Variants in RSPO3 observed in about 807,000 individuals in gnomAD.
RSPO3 encodes the protein R-spondin-3.
RSPO3 carries 17 observed loss-of-function variants against 36.5 expected under a neutral mutation model. The ratio of observed to expected loss-of-function variants is 0.47; its 90% CI spans 0.32 to 0.70. RSPO3 has a LOEUF of 0.70. RSPO3 is among the 30% of genes least tolerant of loss of function. RSPO3 has a pLI of 0.04. For synonymous variants in RSPO3, 108 were observed against 107.0 expected (o/e 1.01, Z -0.06); for missense variants, 294 against 322.5 (o/e 0.91, Z 0.68).
chr6:127,175,883 TGAATAA>T (rs1227743392), intron 4 of RSPO3, among the ~76,000 whole-genome samples: 1 of 151,782 alleles, frequency 6.6e-6, no homozygotes, highest in Admixed American at 6.6e-5. Context: ...CACATTATAT[TGAATAA>T]GGGTATTGTT....
At chr6:127,179,781 A>ATG (rs1444499402) in intron 4 of RSPO3, among the ~76,000 whole-genome samples, 1 of 151,744 alleles carries the variant, frequency 6.6e-6, no homozygotes, top group East Asian at 1.9e-4. Flanking sequence ...TCTTTTCCAG[A>ATG]TTTTACAGGC....
chr6:127,120,409 C>T (rs1472566106), intron 1 of RSPO3, among the ~76,000 whole-genome samples: 1 of 152,084 alleles, frequency 6.6e-6, no homozygotes, highest in African/African-American at 2.4e-5. Flanking sequence ...TCCTGGAGCT[C>T]GCGAGGGGCA....
intron 4 of RSPO3, among the ~76,000 whole-genome samples, chr6:127,160,579 C>T (rs575270344): frequency 1.3e-5 from 2 of 152,326 alleles, no homozygotes; most frequent in African/African-American, 4.8e-5. Flanking sequence ...TTTATACCCA[C>T]TTTTAATTAG....
At chr6:127,148,927 A>C in intron 2 of RSPO3, 88 bp downstream of exon 2, 1 of 971,758 alleles carries the variant, frequency 1.0e-6, no homozygotes, top group Non-Finnish European at 1.5e-6. Flanking sequence ...GTGATATTCA[A>C]TGTTAAGTAA....
At chr6:127,173,075 T>C (rs754307060) in intron 4 of RSPO3, among the ~76,000 whole-genome samples, 7 of 151,860 alleles carry the variant, frequency 4.6e-5, no homozygotes, top group Admixed American at 2.6e-4. Flanking sequence ...ACTATACTTA[T>C]CACACATGAG....
At position 127,198,039 on chromosome 6, in the gene RSPO3, G is replaced by C. The variant is rs957949239; in HGVS notation, c.*2032G>C. Among the ~76,000 whole-genome samples, 1 of 152,144 alleles carries C rather than the reference G, an allele frequency of 6.6e-6. No individual in the cohort carries two copies. The highest frequency in any genetic ancestry group is 1.9e-4 in the East Asian group (1 of 5,182). On this transcript the variant is annotated 3_prime_UTR_variant, in exon 5 of 5. Transcript: ENST00000356698. The stretch of plus-strand genomic sequence containing the variant: ...CCAAATTATTTTTGCACATCTTTCT[G>C]TTTCTCATGTCTTCATTTATTCAAC...
chr6:127,186,584 C>T (rs1234558875), intron 4 of RSPO3, among the ~76,000 whole-genome samples: 1 of 151,788 alleles, frequency 6.6e-6, no homozygotes, highest in Non-Finnish European at 1.5e-5. Context: ...AGATCTACAG[C>T]AAGAAAATAA....
At chr6:127,180,139 T>G (rs560723959) in intron 4 of RSPO3, among the ~76,000 whole-genome samples, 2 of 151,998 alleles carry the variant, frequency 1.3e-5, no homozygotes, top group South Asian at 4.1e-4. Context: ...AAATTATTAT[T>G]GGCTCTTAAA....
chr6:127,183,064 A>G (rs991204815), intron 4 of RSPO3, among the ~76,000 whole-genome samples: 9 of 151,946 alleles, frequency 5.9e-5, no homozygotes, highest in African/African-American at 2.2e-4. Flanking sequence ...TTCTCCAAAC[A>G]ATCGCAAAAA....
intron 4 of RSPO3, among the ~76,000 whole-genome samples, chr6:127,194,642 C>T (rs1775476795): frequency 6.6e-6 from 1 of 152,208 alleles, no homozygotes; most frequent in African/African-American, 2.4e-5. Flanking sequence ...TTCTAAAACT[C>T]CCAGCATTTC....
rs188691801 is a variant in RSPO3 at position 127,132,164 on chromosome 6, G to C, written c.97+12875G>C. On this transcript the variant is annotated intron_variant, in intron 1 of 4. Transcript: ENST00000356698. ...CCAGTAATTTTGCAGGATTCATTCT[G>C]ACAAACTGTTCTGGTGTAAATGTTT... Among the ~76,000 whole-genome samples the C allele has an allele frequency of 3.2e-3, 490 of 151,954 alleles. 17 individuals are homozygous for C. The highest frequency in any genetic ancestry group is 0.028 in the Admixed American group (422 of 15,234).
In RSPO3 at chr6:127,174,863, AG is replaced by A. The variant is rs541309728; in HGVS notation, c.634+19428del. Among the ~76,000 whole-genome samples the A allele has an allele frequency of 2.8e-4, 43 of 151,908 alleles. No individual in the cohort carries two copies. The South Asian group carries it at 7.9e-3, about 28-fold the overall frequency. On this transcript the variant is annotated intron_variant, in intron 4 of 4. Coordinates refer to ENST00000356698, the MANE Select transcript of RSPO3 (RefSeq NM_032784.5). Reference sequence around the variant, plus strand: ...TGAAAGTTTTCTTAGGGCAGTTCAAAGGGAAGTCTGACAGAAAGAGTGTTTA... The same window carrying A: ...TGAAAGTTTTCTTAGGGCAGTTCAAAGGAAGTCTGACAGAAAGAGTGTTTA...
At chr6:127,174,663 G>T (rs1775012944) in intron 4 of RSPO3, among the ~76,000 whole-genome samples, 1 of 151,762 alleles carries the variant, frequency 6.6e-6, no homozygotes, top group Non-Finnish European at 1.5e-5. Flanking sequence ...TTTCCTCAAA[G>T]ATTTAAGTGT....
chr6:127,183,732 C>T lies in RSPO3; in HGVS notation c.635-12091C>T, dbSNP rs150657096. On this transcript the variant is annotated intron_variant, in intron 4 of 4. Coordinates refer to ENST00000356698, the MANE Select transcript of RSPO3 (RefSeq NM_032784.5). ...GTGCTTACTAATATACCAGGAATATCGGCCTTACATGTCTCCCCTTGTGCA... is the reference window on the plus strand; with the variant it reads ...GTGCTTACTAATATACCAGGAATATTGGCCTTACATGTCTCCCCTTGTGCA... 3.2e-3 allele frequency among the ~76,000 whole-genome samples: 492 copies of T among 152,046 alleles called. 9 individuals carry two copies. Among genetic ancestry groups the T allele is most frequent in the East Asian group, 9.1e-3 (47 of 5,150 alleles).
intron 1 of RSPO3, among the ~76,000 whole-genome samples, chr6:127,143,298 G>A (rs139262348): frequency 1.1e-3 from 173 of 152,102 alleles, no homozygotes; most frequent in African/African-American, 3.8e-3. Flanking sequence ...CTCAGGAAGC[G>A]TACAGTCAAT....
chr6:127,176,399 G>A (rs1040749491), intron 4 of RSPO3, among the ~76,000 whole-genome samples: 1 of 151,694 alleles, frequency 6.6e-6, no homozygotes, highest in Non-Finnish European at 1.5e-5. Flanking sequence ...AACAAAAGGT[G>A]CTGGGGCTCC....
chr6:127,184,006 G>GC, intron 4 of RSPO3, among the ~76,000 whole-genome samples: 1 of 152,012 alleles, frequency 6.6e-6, no homozygotes, highest in African/African-American at 2.4e-5. Flanking sequence ...AGGGGGAAAA[G>GC]CCCCTTATAA....
chr6:127,134,681 C>T (rs1774118609), intron 1 of RSPO3, among the ~76,000 whole-genome samples: 1 of 152,134 alleles, frequency 6.6e-6, no homozygotes, highest in Non-Finnish European at 1.5e-5. Context: ...CAATTATTTT[C>T]GGTATGTGAT....
intron 4 of RSPO3, among the ~76,000 whole-genome samples, chr6:127,181,652 C>CA (rs1367290633): frequency 6.6e-6 from 1 of 151,584 alleles, no homozygotes; most frequent in African/African-American, 2.4e-5. Context: ...ATGTAATGGA[C>CA]AAAAAAGGGA....
Sources: allele counts gnomAD v4.1 joint callset (sites outside exome capture counted in the v4.1 genomes callset), GRCh38; gene constraint gnomAD v4.1.1; transcripts MANE v1.5; gene names NCBI Gene and HGNC (gene_info 2026-07-23, HGNC 2026-07-21).